Variants in MEGF8 observed in about 807,000 individuals in gnomAD.
MEGF8 encodes multiple EGF like domains 8, also known as multiple epidermal growth factor-like domains protein 8.
Under a neutral mutation model 302.9 loss-of-function variants are expected in MEGF8, and 156 were observed. The observed-to-expected ratio is 0.52, with a 90% CI of 0.45 to 0.59. The LOEUF is 0.59. Among genes scored for constraint, MEGF8 ranks in the 20% least tolerant of loss-of-function variants. MEGF8 has a pLI of 0.00. For missense variants in MEGF8, 3,345 were observed against 3,964.5 expected (o/e 0.84, Z 4.20); for synonymous variants, 1,621 against 1,660.5 (o/e 0.98, Z 0.58).
Position 42,344,126 on chromosome 19 carries a change from T to G in MEGF8, c.1788+53T>G. ...CCCTAGCATAGAGACCTGCCCTCAGTGTCTCCCTCTGCCTAACCAGATGGA... is the reference window on the plus strand; with the variant it reads ...CCCTAGCATAGAGACCTGCCCTCAGGGTCTCCCTCTGCCTAACCAGATGGA... On this transcript the variant is annotated intron_variant, in intron 10 of 41. Coordinates refer to ENST00000251268, the MANE Select transcript of MEGF8 (RefSeq NM_001271938.2). The surrounding 1 kb of genome is among the most constrained non-coding windows in gnomAD (Gnocchi z 4.5). 6.3e-7 allele frequency: 1 copy of G among 1,590,578 alleles called. No homozygotes were observed. Among genetic ancestry groups the G allele is most frequent in the Non-Finnish European group, 8.5e-7 (1 of 1,170,216 alleles).
At position 42,344,723 on chromosome 19, in the gene MEGF8, C is replaced by T. The variant is rs1029699368; in HGVS notation, c.1987C>T (p.Pro663Ser). ...CTCAGGCACTGTGGGCTGGTGGGGG[C>T]CTGCGCCTGTCTTCGTCACGTCCCT... ...QISGTVGWWG[P>S]APVFVTSLEA... The change falls in exon 12 of 42, where the codon CCT (proline) becomes TCT (serine). Residue 663 changes from proline (P) to serine (S), a missense_variant. Coordinates refer to ENST00000251268, the MANE Select transcript of MEGF8 (RefSeq NM_001271938.2). The surrounding 1 kb of genome is among the most constrained non-coding windows in gnomAD (Gnocchi z 4.5). The T allele has an allele frequency of 6.2e-7, 1 of 1,610,556 alleles. No individual in the cohort carries two copies. The highest frequency in any genetic ancestry group is 1.1e-5 in the South Asian group (1 of 90,618).
rs1286184823 is a variant in MEGF8 at position 42,353,424 on chromosome 19, C to T, written c.3551-41C>T. ...GCCAGTAGGCCTGGGCCTGTTTCCA[C>T]CCTTGACTTGACTCTGTCCCACCTG... On this transcript the variant is annotated intron_variant, in intron 20 of 41. Coordinates refer to ENST00000251268, the MANE Select transcript of MEGF8 (RefSeq NM_001271938.2). This position sits in a 1 kb window ranked among gnomAD's most constrained non-coding sequence, Gnocchi z 6.1. The T allele has an allele frequency of 4.4e-6, 7 of 1,593,858 alleles. No homozygotes were observed. Among genetic ancestry groups the T allele is most frequent in the Admixed American group, 1.7e-5 (1 of 57,716 alleles).
intron 35 of MEGF8, among the ~76,000 whole-genome samples, chr19:42,364,018 A>G (rs546787179): frequency 1.1e-4 from 16 of 152,342 alleles, no homozygotes; most frequent in African/African-American, 3.8e-4. Context: ...TGCACGAGCT[A>G]CATGTCCAGC....
intron 13 of MEGF8, 60 bp downstream of exon 13, chr19:42,348,532 G>T: frequency 2.1e-6 from 3 of 1,406,526 alleles, no homozygotes; most frequent in South Asian, 1.4e-5. Context: ...TAGGGGTGTG[G>T]TATAGAGCAT....
rs760521667 is a variant in MEGF8, at chr19:42,368,614, G to A, written c.6433G>A (p.Asp2145Asn). The change falls in exon 36 of 42, where the codon GAT becomes AAT. Residue 2145 changes from aspartate to asparagine, a missense_variant. Physicochemically the swap from Asp to Asn is conservative, Grantham distance 23. Coordinates refer to ENST00000251268, the MANE Select transcript of MEGF8 (RefSeq NM_001271938.2). The surrounding 1 kb of genome is among the most constrained non-coding windows in gnomAD (Gnocchi z 4.9). ...HCGWCAWGGQ[D>N]GGGRCMEGGL... ...CGGCTGGTGTGCCTGGGGGGGCCAGGATGGGGGTGGCCGCTGCATGGAGGG... is the reference window on the plus strand; with the variant it reads ...CGGCTGGTGTGCCTGGGGGGGCCAGAATGGGGGTGGCCGCTGCATGGAGGG... The A allele has an allele frequency of 6.4e-7, 1 of 1,569,188 alleles. No individual in the cohort carries two copies. Among genetic ancestry groups the A allele is most frequent in the Non-Finnish European group, 8.6e-7 (1 of 1,157,894 alleles).
chr19:42,362,250 G>A (rs371942474), intron 33 of MEGF8, 37 bp downstream of exon 33: 3 of 1,609,796 alleles, frequency 1.9e-6, no homozygotes, highest in Non-Finnish European at 2.5e-6. Context: ...GAAGCAGCAG[G>A]TGTAGGGCAG....
At position 42,360,842 on chromosome 19, in the gene MEGF8, C is replaced by T. The variant is rs756300122; in HGVS notation, c.5556C>T (p.Arg1852=). The T allele has an allele frequency of 8.7e-6, 14 of 1,612,316 alleles. No homozygotes were observed. In the Admixed American group the frequency reaches 2.0e-4, roughly 23 times the overall value. ...VAHAVAAVGS[R]LYISGGFGGV... ...ATGCTGTGGCAGCAGTCGGGAGCCG[C>T]CTGTATATCTCTGGGGGTTTCGGGG... The change falls in exon 32 of 42, where the codon CGC becomes CGT. Residue 1852 remains arginine, a synonymous_variant. Coordinates refer to ENST00000251268, the MANE Select transcript of MEGF8 (RefSeq NM_001271938.2).
At chr19:42,328,460 G>A (rs1231760005) in intron 1 of MEGF8, among the ~76,000 whole-genome samples, 3 of 152,140 alleles carry the variant, frequency 2.0e-5, no homozygotes, top group Admixed American at 1.3e-4. Context: ...CTCTCTGGCT[G>A]CTGTGTGGGG....
chr19:42,363,382 T>C, intron 35 of MEGF8, 120 bp downstream of exon 35: 1 of 869,614 alleles, frequency 1.1e-6, no homozygotes, highest in East Asian at 2.7e-5. Context: ...TCTCCCTGGC[T>C]CTAGCTGCAG....
chr19:42,376,112 C>G lies in MEGF8; in HGVS notation c.7875C>G (p.Pro2625=), dbSNP rs572813671. 3 of 1,606,734 alleles carry G rather than the reference C, an allele frequency of 1.9e-6. No individual in the cohort carries two copies. Among genetic ancestry groups the G allele is most frequent in the African/African-American group, 2.7e-5 (2 of 74,938 alleles). ...LLLGVGDPSG[P]GANGSADSQG... Reference sequence around the variant, plus strand: ...TGGGCGTGGGAGACCCAAGTGGGCCCGGCGCCAACGGCTCAGCCGACTCGC... The same window carrying G: ...TGGGCGTGGGAGACCCAAGTGGGCCGGGCGCCAACGGCTCAGCCGACTCGC... The change falls in exon 42 of 42, where the codon CCC becomes CCG. Residue 2625 remains proline, a synonymous_variant. Transcript: ENST00000251268. The surrounding 1 kb of genome is among the most constrained non-coding windows in gnomAD (Gnocchi z 8.2).
In MEGF8 at chr19:42,326,324, G is replaced by A. The variant is rs764516595; in HGVS notation, c.81G>A (p.Ala27=). Residue 27 remains alanine (A), a synonymous_variant, in exon 1 of 42, where the codon GCG becomes GCA. Transcript: ENST00000251268. ...VLGSLSPGAR[A]GDCKGQRQVL... Reference sequence around the variant, plus strand: ...GGTCGCTGTCCCCTGGGGCCCGGGCGGGGGACTGCAAGGGGCAGCGGCAGG... The same window carrying A: ...GGTCGCTGTCCCCTGGGGCCCGGGCAGGGGACTGCAAGGGGCAGCGGCAGG... 1.9e-6 allele frequency: 3 copies of A among 1,569,418 alleles called. No homozygotes were observed. In the South Asian group the frequency reaches 3.5e-5, roughly 18 times the overall value.
At chr19:42,349,842 C>A in intron 14 of MEGF8, 143 bp downstream of exon 14, 1 of 853,030 alleles carries the variant, frequency 1.2e-6, no homozygotes, top group Non-Finnish European at 1.8e-6. Flanking sequence ...GAACTCTGGA[C>A]CTCCTCTTGA....
Position 42,353,859 on chromosome 19 carries a change from C to CG in MEGF8, c.3852dup (p.Leu1285AlafsTer26), listed in dbSNP as rs1568567602. On this transcript the variant is annotated frameshift_variant, in exon 22 of 42. Coordinates refer to ENST00000251268, the MANE Select transcript of MEGF8 (RefSeq NM_001271938.2). LOFTEE classifies it high-confidence loss of function. This position sits in a 1 kb window ranked among gnomAD's most constrained non-coding sequence, Gnocchi z 6.1. ...CAGTGGCACTGGGCTCACGCCGGGT[C>CG]GGGGGGCTGCTGCCTCCAGGTGGCG... 1.2e-6 allele frequency: 2 copies of CG among 1,603,746 alleles called. No homozygotes were observed. Among genetic ancestry groups the CG allele is most frequent in the Non-Finnish European group, 8.5e-7 (1 of 1,175,418 alleles).
Position 42,335,172 on chromosome 19 carries a change from T to C in MEGF8, c.696T>C (p.Ala232=). 6.2e-7 allele frequency: 1 copy of C among 1,613,988 alleles called. No homozygotes were observed. Among genetic ancestry groups the C allele is most frequent in the Non-Finnish European group, 8.5e-7 (1 of 1,179,864 alleles). Residue 232 remains alanine, a synonymous_variant, in exon 4 of 42, where the codon GCT becomes GCC. Transcript: ENST00000251268. ...DPAFSARIGA[A]GAFLSPPGLL... Reference sequence around the variant, plus strand: ...CCTTCTCTGCCCGTATTGGGGCAGCTGGCGCCTTCCTGTCCCCACCAGGGC... The same window carrying C: ...CCTTCTCTGCCCGTATTGGGGCAGCCGGCGCCTTCCTGTCCCCACCAGGGC...
chr19:42,328,028 C>T (rs575502301), intron 1 of MEGF8, among the ~76,000 whole-genome samples: 4 of 152,282 alleles, frequency 2.6e-5, no homozygotes, highest in African/African-American at 9.6e-5. Flanking sequence ...CTGGAGGTTG[C>T]AGTGAGCCAA....
rs2039767720 is a variant in MEGF8, at chr19:42,376,198, T to G, written c.7961T>G (p.Val2654Gly). The change falls in exon 42 of 42, where the codon GTC becomes GGC. Residue 2654 changes from valine to glycine, a missense_variant. By Grantham distance (109) the Val-to-Gly change is moderately radical. Transcript: ENST00000251268. The surrounding 1 kb of genome is among the most constrained non-coding windows in gnomAD (Gnocchi z 8.2). Reference protein sequence around the residue: ...AHIDLFVFFSVFFSCFFLFLS... With the variant: ...AHIDLFVFFSGFFSCFFLFLS... The stretch of plus-strand genomic sequence containing the variant: ...ATTGACCTGTTTGTCTTCTTCTCCG[T>G]CTTCTTCTCCTGCTTCTTCCTCTTC... 1 of 1,606,928 alleles carries G rather than the reference T, an allele frequency of 6.2e-7. No individual in the cohort carries two copies. Among genetic ancestry groups the G allele is most frequent in the Non-Finnish European group, 8.5e-7 (1 of 1,176,854 alleles).
Position 42,336,395 on chromosome 19 carries a change from A to C in MEGF8, c.1244+49A>C. 3.4e-5 allele frequency: 51 copies of C among 1,516,598 alleles called. No homozygotes were observed. The highest frequency in any genetic ancestry group is 6.9e-5 in the East Asian group (3 of 43,658). The allele number at this position is 1,516,598 out of a possible 1,614,324, so 93.9% of individuals were successfully genotyped here. On this transcript the variant is annotated intron_variant, in intron 6 of 41. Coordinates refer to ENST00000251268, the MANE Select transcript of MEGF8 (RefSeq NM_001271938.2). The surrounding 1 kb of genome is among the most constrained non-coding windows in gnomAD (Gnocchi z 4.8). ...ATGCTCCACAGGCCAGGCCCAGCTC[A>C]ACACCATAGGCCTTTAGTCTTTAGA...
Position 42,360,857 on chromosome 19 carries a change from G to A in MEGF8, c.5571G>A (p.Gly1857=). The A allele has an allele frequency of 6.2e-7, 1 of 1,613,352 alleles. No individual in the cohort carries two copies. Among genetic ancestry groups the A allele is most frequent in the East Asian group, 2.2e-5 (1 of 44,872 alleles). Residue 1857 remains glycine (G), a synonymous_variant, in exon 32 of 42, where the codon GGG becomes GGA. Transcript: ENST00000251268. The part of the protein sequence containing the change: ...AAVGSRLYIS[G]GFGGVALGRL... ...TCGGGAGCCGCCTGTATATCTCTGG[G>A]GGTTTCGGGGGAGTGGCCCTGGGCC...
chr19:42,372,039 A>AAAC (rs59779006), intron 41 of MEGF8, among the ~76,000 whole-genome samples: 101,899 of 144,476 alleles, frequency 0.71, 37,225 homozygotes, highest in East Asian at 0.84. Context: ...CTCTGTCTCA[A>AAAC]AACAACAACA....
Sources: allele counts gnomAD v4.1 joint callset (sites outside exome capture counted in the v4.1 genomes callset), GRCh38; gene constraint gnomAD v4.1.1; non-coding constraint Gnocchi (gnomAD v3.1); transcripts MANE v1.5; gene names NCBI Gene and HGNC (gene_info 2026-07-23, HGNC 2026-07-21).